KHDRBS2: variants seen among roughly 807,000 people sequenced by gnomAD.
KHDRBS2 encodes the protein KH domain-containing, RNA-binding, signal transduction-associated protein 2.
In KHDRBS2, 26 loss-of-function variants were observed where a neutral mutation model predicts 44.3. That is an observed-to-expected ratio of 0.59 (90% CI 0.43 to 0.81). The LOEUF (loss-of-function observed/expected upper bound fraction) is 0.81. Among genes scored for constraint, KHDRBS2 ranks in the 40% least tolerant of loss-of-function variants. The pLI, the probability that KHDRBS2 is intolerant of heterozygous loss-of-function variation, is 0.00. For missense variants in KHDRBS2, 476 were observed against 433.1 expected (o/e 1.10, Z -0.88); for synonymous variants, 194 against 151.1 (o/e 1.28, Z -2.08).
the KHDRBS2 span, among the ~76,000 whole-genome samples, chr6:61,553,450 A>G: frequency 1.4e-5 from 2 of 142,160 alleles, no homozygotes; most frequent in African/African-American, 6.2e-5. Flanking sequence ...TCAGAAAACC[A>G]ACAACTCCTG....
intron 2 of KHDRBS2, among the ~76,000 whole-genome samples, chr6:62,102,484 C>A (rs571908953): frequency 6.6e-6 from 1 of 152,184 alleles, no homozygotes; most frequent in Non-Finnish European, 1.5e-5. Context: ...ACATGGGGAG[C>A]CCCGAGGTCT....
At chr6:62,008,275 T>A (rs1402575255) in intron 3 of KHDRBS2, among the ~76,000 whole-genome samples, 3 of 151,568 alleles carry the variant, frequency 2.0e-5, no homozygotes, top group Non-Finnish European at 4.4e-5. Context: ...ATGAGAGGAA[T>A]TTTTTTTTAA....
chr6:61,975,391 T>C (rs1267255248), intron 4 of KHDRBS2, among the ~76,000 whole-genome samples: 1 of 152,168 alleles, frequency 6.6e-6, no homozygotes, highest in African/African-American at 2.4e-5. Context: ...ATAGAAACTT[T>C]AGCATTTCTG....
chr6:61,549,360 G>T, the KHDRBS2 span, among the ~76,000 whole-genome samples: 2 of 152,006 alleles, frequency 1.3e-5, no homozygotes, highest in Admixed American at 1.3e-4. Flanking sequence ...ATAACTCAAA[G>T]AACATTTATT....
chr6:61,626,996 G>T, the KHDRBS2 span, among the ~76,000 whole-genome samples: 5 of 152,184 alleles, frequency 3.3e-5, no homozygotes, highest in South Asian at 8.3e-4. Flanking sequence ...GCTCACGCCT[G>T]TAATCCCAGC....
chr6:61,695,662 G>A (rs1204117), intron 8 of KHDRBS2, among the ~76,000 whole-genome samples: 223 of 152,130 alleles, frequency 1.5e-3, no homozygotes, highest in Non-Finnish European at 2.3e-3. Flanking sequence ...TAAAAATGGA[G>A]ATAAAAATAC....
the KHDRBS2 span, among the ~76,000 whole-genome samples, chr6:61,599,308 T>A: frequency 3.3e-5 from 5 of 152,126 alleles, no homozygotes; most frequent in Non-Finnish European, 5.9e-5. Context: ...GAGAGCTCTC[T>A]AAATAGTATT....
intron 4 of KHDRBS2, among the ~76,000 whole-genome samples, chr6:61,925,712 GCTCT>G (rs900762138): frequency 6.8e-6 from 1 of 146,284 alleles, no homozygotes; most frequent in African/African-American, 2.5e-5. Flanking sequence ...ACAGAGTAAG[GCTCT>G]CTCTCTCTCA....
chr6:61,989,192 G>C (rs528246073), intron 3 of KHDRBS2, among the ~76,000 whole-genome samples: 2 of 152,242 alleles, frequency 1.3e-5, no homozygotes, highest in African/African-American at 4.8e-5. Flanking sequence ...TTGGAGACTA[G>C]ATAGGCCTTT....
intron 7 of KHDRBS2, among the ~76,000 whole-genome samples, chr6:61,715,740 T>A (rs79186060): frequency 6.6e-6 from 1 of 151,926 alleles, no homozygotes; most frequent in Non-Finnish European, 1.5e-5. Flanking sequence ...TAGTCCTCTG[T>A]ATTTTAGTAA....
chr6:62,128,443 T>C (rs989138), intron 2 of KHDRBS2, among the ~76,000 whole-genome samples: 91,370 of 151,790 alleles, frequency 0.6, 27,699 homozygotes, highest in Non-Finnish European at 0.62. Flanking sequence ...TTTAAGAATG[T>C]GTTTTAATAG....
the KHDRBS2 span, among the ~76,000 whole-genome samples, chr6:61,600,109 T>C: frequency 1.3e-5 from 2 of 152,132 alleles, no homozygotes; most frequent in African/African-American, 4.8e-5. Flanking sequence ...AGACAAATAG[T>C]GATTTATTTA....
chr6:62,159,286 A>AC (rs1217073408), intron 2 of KHDRBS2, among the ~76,000 whole-genome samples: 1 of 152,172 alleles, frequency 6.6e-6, no homozygotes, highest in Non-Finnish European at 1.5e-5. Flanking sequence ...GCTAGGCATT[A>AC]CAGTTGAGTA....
chr6:61,675,897 G>C (rs373744400), downstream of KHDRBS2, among the ~76,000 whole-genome samples: 1 of 151,598 alleles, frequency 6.6e-6, no homozygotes, highest in Non-Finnish European at 1.5e-5. Flanking sequence ...CATAGACCAC[G>C]CATACAGATA....
At chr6:61,591,275 C>T in the KHDRBS2 span, among the ~76,000 whole-genome samples, 1 of 152,006 alleles carries the variant, frequency 6.6e-6, no homozygotes, top group Non-Finnish European at 1.5e-5. Flanking sequence ...ATTCACTTTC[C>T]CTTCTAAAAG....
intron 3 of KHDRBS2, among the ~76,000 whole-genome samples, chr6:61,985,365 C>A (rs1019795950): frequency 6.6e-6 from 1 of 152,012 alleles, no homozygotes; most frequent in African/African-American, 2.4e-5. Flanking sequence ...AAATATCAAC[C>A]TTTTCTGTAG....
the KHDRBS2 span, among the ~76,000 whole-genome samples, chr6:61,578,095 G>T: frequency 1.3e-5 from 2 of 152,110 alleles, no homozygotes; most frequent in African/African-American, 4.8e-5. Flanking sequence ...AAAAAAGGCT[G>T]AATGTTAAAC....
chr6:62,178,587 G>A (rs1821618238), intron 1 of KHDRBS2, among the ~76,000 whole-genome samples: 1 of 151,494 alleles, frequency 6.6e-6, no homozygotes, highest in Admixed American at 6.6e-5. Context: ...GTTGAGAAAC[G>A]AGGCTGACAA....
Position 62,286,220 on chromosome 6 carries a change from C to T in KHDRBS2, c.-272G>A, listed in dbSNP as rs1842483946. On this transcript the variant is annotated 5_prime_UTR_variant, in exon 1 of 9. Coordinates refer to ENST00000281156, the MANE Select transcript of KHDRBS2 (RefSeq NM_152688.4). ...GCGGCCTTAACTGGAGAGGCGGGAA[C>T]AGGACGCGGCCCACCTCCGCCAACC... The T allele has an allele frequency of 2.1e-6, 1 of 467,298 alleles. No individual in the cohort carries two copies. Among genetic ancestry groups the T allele is most frequent in the Admixed American group, 4.5e-5 (1 of 22,290 alleles). 28.9% of individuals were successfully genotyped at this position (467,298 alleles called of 1,614,324 possible). A position where few individuals can be genotyped will look rare whatever the true frequency, so the allele number is the denominator to read the frequency against.
Sources: gnomAD v4.1 joint callset for allele counts (sites outside exome capture counted in the v4.1 genomes callset) on GRCh38, gnomAD v4.1.1 for gene constraint, MANE v1.5 for transcripts, NCBI Gene and HGNC (gene_info 2026-07-23, HGNC 2026-07-21) for gene names.